The following COLEC11 variants were observed in gnomAD, a reference collection of about 807,000 sequenced individuals.
The protein encoded by COLEC11 is collectin subfamily member 11, also known as collectin-11.
In COLEC11, 20 loss-of-function variants were observed where a neutral mutation model predicts 27.3. That is an observed-to-expected ratio of 0.73 (90% CI 0.51 to 1.06). COLEC11 has a LOEUF of 1.06. COLEC11 is among the 50% of genes least tolerant of loss of function. The pLI is 0.00. For missense variants in COLEC11, 310 were observed against 383.0 expected, an observed-to-expected ratio of 0.81 and a Z score of 1.59; for synonymous variants, 163 against 154.7, an observed-to-expected ratio of 1.05 and a Z score of -0.40.
intron 2 of COLEC11, among the ~76,000 whole-genome samples, chr2:3,608,747 G>T (rs752771856): frequency 2.0e-5 from 3 of 152,260 alleles, no homozygotes; most frequent in Non-Finnish European, 2.9e-5. Flanking sequence ...TTCTTAAGAT[G>T]CGTGGACAGG....
chr2:3,616,746 C>T (rs552399574), intron 3 of COLEC11, among the ~76,000 whole-genome samples: 3,589 of 151,708 alleles, frequency 0.024, 152 homozygotes, highest in African/African-American at 0.08. Context: ...AGAGGGAGAT[C>T]GTGGAAAGAG....
intron 3 of COLEC11, among the ~76,000 whole-genome samples, chr2:3,614,807 A>G (rs545992305): frequency 1.7e-4 from 26 of 152,344 alleles, no homozygotes; most frequent in Non-Finnish European, 3.7e-4. Flanking sequence ...TACCAAGACA[A>G]CTGACTTTGA....
intron 3 of COLEC11, among the ~76,000 whole-genome samples, chr2:3,623,184 A>G (rs1013337686): frequency 1.3e-5 from 2 of 151,976 alleles, no homozygotes; most frequent in Admixed American, 1.3e-4. Context: ...CTTGGATGTG[A>G]TGAGTTTCTT....
intron 2 of COLEC11, among the ~76,000 whole-genome samples, chr2:3,608,570 C>G (rs1662920674): frequency 6.6e-6 from 1 of 152,154 alleles, no homozygotes; most frequent in Non-Finnish European, 1.5e-5. Flanking sequence ...CGCCTGTGAT[C>G]CCGGCACTTT....
Position 3,605,740 on chromosome 2 carries a change from C to T in COLEC11, c.130+1270C>T, listed in dbSNP as rs567706069. 224 of 222,392 alleles carry T rather than the reference C, an allele frequency of 1.0e-3. 1 individual carries two copies. The highest frequency in any genetic ancestry group is 8.2e-3 in the South Asian group (125 of 15,184). The allele number at this position is 222,392 out of a possible 1,614,324, so 13.8% of individuals were successfully genotyped here. ...TTGAAACATTAGAGAAAAGTAGATT[C>T]AAACCCATGATCAAAACAGTCACCA... On this transcript the variant is annotated intron_variant, in intron 2 of 6. Transcript: ENST00000349077.
At chr2:3,624,484 G>A (rs375196257) in intron 3 of COLEC11, among the ~76,000 whole-genome samples, 1 of 152,264 alleles carries the variant, frequency 6.6e-6, no homozygotes, top group East Asian at 1.9e-4. Flanking sequence ...CAAGAAAGAA[G>A]CAGACTTTTT....
At chr2:3,599,890 G>A (rs956390154) in intron 1 of COLEC11, among the ~76,000 whole-genome samples, 2 of 152,180 alleles carry the variant, frequency 1.3e-5, no homozygotes, top group African/African-American at 4.8e-5. Flanking sequence ...ACTACATAAA[G>A]TTGAATATAA....
At chr2:3,617,401 C>T (rs901880924) in intron 3 of COLEC11, 12 of 910,734 alleles carry the variant, frequency 1.3e-5, no homozygotes, top group East Asian at 7.5e-5. Flanking sequence ...CTTCGTTGTC[C>T]GTAGTTCTTT....
chr2:3,627,148 C>T (rs1664615227), intron 3 of COLEC11, among the ~76,000 whole-genome samples: 1 of 152,160 alleles, frequency 6.6e-6, no homozygotes, highest in Admixed American at 6.5e-5. Flanking sequence ...TGGAGAAAAA[C>T]AGTGACCTCT....
intron 3 of COLEC11, chr2:3,617,586 C>T: frequency 6.2e-7 from 1 of 1,611,108 alleles, no homozygotes; most frequent in Middle Eastern, 2.1e-4. Context: ...TCAGTCGTTT[C>T]TTTGGAAGGC....
intron 1 of COLEC11, among the ~76,000 whole-genome samples, chr2:3,597,899 G>A (rs1405557339): frequency 6.6e-6 from 1 of 152,014 alleles, no homozygotes; most frequent in Non-Finnish European, 1.5e-5. Context: ...CCCTTGTTTT[G>A]ACATTATTTT....
chr2:3,617,998 A>G (rs189183671), intron 3 of COLEC11, among the ~76,000 whole-genome samples: 8 of 152,360 alleles, frequency 5.3e-5, no homozygotes, highest in Admixed American at 3.3e-4. Flanking sequence ...CTTCTTAGAA[A>G]AATATCTATT....
At chr2:3,637,954 G>A (rs1472894476) in intron 4 of COLEC11, among the ~76,000 whole-genome samples, 1 of 152,186 alleles carries the variant, frequency 6.6e-6, no homozygotes. Context: ...AGGAGCGGAC[G>A]CACCCTGCTC....
At chr2:3,620,094 T>G (rs891383740) in intron 3 of COLEC11, among the ~76,000 whole-genome samples, 7 of 152,164 alleles carry the variant, frequency 4.6e-5, no homozygotes, top group Non-Finnish European at 7.3e-5. Flanking sequence ...AGTTCAGAAG[T>G]ATTCTCTCCT....
At chr2:3,638,259 C>G (rs1473877232) in intron 4 of COLEC11, among the ~76,000 whole-genome samples, 1 of 151,676 alleles carries the variant, frequency 6.6e-6, no homozygotes. Context: ...GCCCCCGCCC[C>G]CCGCCATCTG....
rs1477540126 is a variant in COLEC11, at chr2:3,602,698, C to T, written c.-26-1617C>T. On this transcript the variant is annotated intron_variant, in intron 1 of 6. Transcript: ENST00000349077. The surrounding 1 kb of genome is among the most constrained non-coding windows in gnomAD (Gnocchi z 6.2). The stretch of plus-strand genomic sequence containing the variant: ...CCCTCTGTCTCATACAGAGCAACCC[C>T]CAAAGCTGCTGGGCGCCGGCTCCTG... Among the ~76,000 whole-genome samples the T allele has an allele frequency of 2.6e-5, 4 of 152,204 alleles. No homozygotes were observed. The highest frequency in any genetic ancestry group is 5.9e-5 in the Non-Finnish European group (4 of 68,038).
chr2:3,623,455 A>G (rs764486839), intron 3 of COLEC11, among the ~76,000 whole-genome samples: 3 of 151,928 alleles, frequency 2.0e-5, no homozygotes, highest in African/African-American at 7.2e-5. Context: ...TGTCCTTTAG[A>G]TCTCACAGGC....
intron 2 of COLEC11, among the ~76,000 whole-genome samples, chr2:3,607,071 G>GC (rs1553349078): frequency 3.9e-5 from 6 of 152,018 alleles, no homozygotes; most frequent in South Asian, 2.1e-4. Flanking sequence ...AGCACGCGCC[G>GC]CCCCCCCAAC....
intron 3 of COLEC11, among the ~76,000 whole-genome samples, chr2:3,627,701 G>C (rs866345622): frequency 2.0e-5 from 3 of 151,602 alleles, no homozygotes; most frequent in Admixed American, 1.3e-4. Context: ...CACGATGACG[G>C]TGGATCTAGG....
Sources: allele counts gnomAD v4.1 joint callset (sites outside exome capture counted in the v4.1 genomes callset), GRCh38; gene constraint gnomAD v4.1.1; non-coding constraint Gnocchi (gnomAD v3.1); transcripts MANE v1.5; gene names NCBI Gene and HGNC (gene_info 2026-07-23, HGNC 2026-07-21).